RGL1: variants seen among roughly 807,000 people sequenced by gnomAD.
The protein encoded by RGL1 is ral guanine nucleotide dissociation stimulator like 1, also known as ral guanine nucleotide dissociation stimulator-like 1.
A neutral mutation model predicts 95.2 loss-of-function variants in RGL1; 24 were observed. The ratio of observed to expected loss-of-function variants is 0.25; its 90% confidence interval spans 0.18 to 0.35. The LOEUF is 0.35. Ranked by LOEUF, RGL1 falls within the 10% of genes least tolerant of loss-of-function variation. The pLI, the probability that RGL1 is intolerant of heterozygous loss-of-function variation, is 1.00. For missense variants in RGL1, 715 were observed against 936.3 expected (o/e 0.76, Z 3.08); for synonymous variants, 329 against 344.9 (o/e 0.95, Z 0.51).
chr1:183,827,058 G>A (rs78251015), intron 2 of RGL1, among the ~76,000 whole-genome samples: 2,383 of 152,196 alleles, frequency 0.016, 68 homozygotes, highest in African/African-American at 0.055. Flanking sequence ...AAATAGCTGG[G>A]ATTACAGGCA....
At chr1:183,821,540 G>A (rs1306968009) in intron 2 of RGL1, among the ~76,000 whole-genome samples, 1 of 152,198 alleles carries the variant, frequency 6.6e-6, no homozygotes, top group Non-Finnish European at 1.5e-5. Flanking sequence ...GGTCTGCTCT[G>A]TAAGAGGGCA....
intron 2 of RGL1, among the ~76,000 whole-genome samples, chr1:183,829,268 C>T (rs572339537): frequency 6.6e-6 from 1 of 151,912 alleles, no homozygotes; most frequent in Non-Finnish European, 1.5e-5. Context: ...AGTGAGACCT[C>T]GTCTCTATGA....
chr1:183,824,103 G>A (rs184549082), intron 2 of RGL1, among the ~76,000 whole-genome samples: 11 of 151,692 alleles, frequency 7.3e-5, no homozygotes, highest in African/African-American at 2.2e-4. Flanking sequence ...TATTTTTCTC[G>A]GTGATTTTAT....
At chr1:183,783,755 T>C (rs886530680) in intron 2 of RGL1, among the ~76,000 whole-genome samples, 16 of 152,172 alleles carry the variant, frequency 1.1e-4, no homozygotes, top group African/African-American at 3.6e-4. Context: ...ACCCAGCTAA[T>C]GAGCCACAGG....
rs758577256 is a variant in RGL1, at chr1:183,742,190, AG to A, written c.34del (p.Glu12ArgfsTer11). The stretch of plus-strand genomic sequence containing the variant: ...TGAAACCTGTGGGAGAACCTACTCA[AG>A]AGGTGTCTAAATTCAAACTTTCCAC... On this transcript the variant is annotated frameshift_variant, in exon 2 of 19. Coordinates refer to the RGL1 transcript ENST00000304685. LOFTEE classifies it high-confidence loss of function. 1 of 1,614,094 alleles carries A rather than the reference AG, an allele frequency of 6.2e-7. No homozygotes were observed. Among genetic ancestry groups the A allele is most frequent in the Non-Finnish European group, 8.5e-7 (1 of 1,179,962 alleles).
At chr1:183,689,600 G>C (rs1653822484) in intron 1 of RGL1, among the ~76,000 whole-genome samples, 2 of 152,132 alleles carry the variant, frequency 1.3e-5, no homozygotes, top group African/African-American at 2.4e-5. Context: ...CATTTCTGTA[G>C]CTTTTGTATT....
At chr1:183,850,642 G>A (rs1252304689) in intron 3 of RGL1, among the ~76,000 whole-genome samples, 1 of 152,130 alleles carries the variant, frequency 6.6e-6, no homozygotes, top group Non-Finnish European at 1.5e-5. Context: ...TCATAGCAGT[G>A]CTTGACAAAA....
At chr1:183,738,103 G>T (rs1558180845) in intron 1 of RGL1, among the ~76,000 whole-genome samples, 1 of 152,152 alleles carries the variant, frequency 6.6e-6, no homozygotes, top group Non-Finnish European at 1.5e-5. Context: ...AGGTTGTCTT[G>T]TAAGCCTTGA....
chr1:183,823,503 C>T (rs1472256937), intron 2 of RGL1, among the ~76,000 whole-genome samples: 1 of 152,180 alleles, frequency 6.6e-6, no homozygotes, highest in Non-Finnish European at 1.5e-5. Context: ...ATTTATTCAA[C>T]ATGGCTAAAC....
chr1:183,918,167 CA>C (rs1235165330), intron 16 of RGL1, among the ~76,000 whole-genome samples: 5 of 152,124 alleles, frequency 3.3e-5, no homozygotes, highest in African/African-American at 1.2e-4. Context: ...TCAGAGGTAC[CA>C]GTATGACATC....
intron 1 of RGL1, among the ~76,000 whole-genome samples, chr1:183,656,552 C>G (rs1387563451): frequency 1.3e-5 from 2 of 152,156 alleles, no homozygotes; most frequent in Non-Finnish European, 2.9e-5. Flanking sequence ...GTAACAAATC[C>G]AGCTGTTTCT....
chr1:183,645,080 C>T (rs1352936088), intron 1 of RGL1, among the ~76,000 whole-genome samples: 1 of 152,162 alleles, frequency 6.6e-6, no homozygotes, highest in East Asian at 1.9e-4. Context: ...TCTGATAGCA[C>T]TAAACATTTG....
At chr1:183,714,700 G>A (rs1431126154) in intron 1 of RGL1, among the ~76,000 whole-genome samples, 1 of 152,174 alleles carries the variant, frequency 6.6e-6, no homozygotes, top group Admixed American at 6.6e-5. Flanking sequence ...GCATGCCACA[G>A]GGAACAAGTG....
At chr1:183,687,381 A>G (rs140306301) in intron 1 of RGL1, among the ~76,000 whole-genome samples, 10 of 152,326 alleles carry the variant, frequency 6.6e-5, no homozygotes, top group African/African-American at 1.7e-4. Context: ...GTAGTTGGGA[A>G]TTCAGGAAAA....
Position 183,927,088 on chromosome 1 carries a change from C to G in RGL1, c.*796C>G, listed in dbSNP as rs1363872568. On this transcript the variant is annotated 3_prime_UTR_variant, in exon 18 of 18. Transcript: ENST00000360851. Reference sequence around the variant, plus strand: ...CAACCCCGTGTATTTCCGTTTTCCCCCTAAAGAACATATCATAATCATTGC... The same window carrying G: ...CAACCCCGTGTATTTCCGTTTTCCCGCTAAAGAACATATCATAATCATTGC... 6.6e-6 allele frequency: 1 copy of G among 152,582 alleles called. No homozygotes were observed. The highest frequency in any genetic ancestry group is 2.4e-5 in the African/African-American group (1 of 41,408). The allele number at this position is 152,582 out of a possible 1,614,324, so 9.5% of individuals were successfully genotyped here.
chr1:183,873,743 C>T (rs974515042), intron 4 of RGL1, among the ~76,000 whole-genome samples: 1 of 152,164 alleles, frequency 6.6e-6, no homozygotes, highest in Non-Finnish European at 1.5e-5. Context: ...TTTTGCCTGG[C>T]TGTTGCTTTA....
chr1:183,892,080 C>A lies in RGL1; in HGVS notation c.1059C>A (p.Asp353Glu), dbSNP rs1269536942. The change falls in exon 9 of 18, where the codon GAC becomes GAA. Residue 353 changes from aspartate (D) to glutamate (E), a missense_variant. Physicochemically the swap from Asp to Glu is conservative, Grantham distance 45. Around this residue, in one of 3 missense-constraint regions of RGL1, gnomAD observed 381 missense variants for 484.8 expected, o/e 0.79. Coordinates refer to ENST00000360851, the MANE Select transcript of RGL1 (RefSeq NM_001297671.3). ...TTTTCTTAATCCCTTTTCATAGGGA[C>A]CGAATGCTGATGTTTGAAGAACTTT... The part of the protein sequence containing the change: ...LKKTWAAVPR[D>E]RMLMFEELSD... 6.2e-7 allele frequency: 1 copy of A among 1,610,926 alleles called. No individual in the cohort carries two copies. Among genetic ancestry groups the A allele is most frequent in the Non-Finnish European group, 8.5e-7 (1 of 1,177,926 alleles).
intron 2 of RGL1, among the ~76,000 whole-genome samples, chr1:183,753,912 T>C (rs963746210): frequency 6.6e-6 from 1 of 151,994 alleles, no homozygotes; most frequent in African/African-American, 2.4e-5. Context: ...GAACATGGTG[T>C]TTTGTTTCTT....
chr1:183,817,546 C>A (rs1429130327), intron 2 of RGL1, among the ~76,000 whole-genome samples: 3 of 152,100 alleles, frequency 2.0e-5, no homozygotes, highest in Non-Finnish European at 1.5e-5. Context: ...ATATGGGATC[C>A]CCCTGAGCAT....
Sources: gnomAD v4.1 joint callset for allele counts (sites outside exome capture counted in the v4.1 genomes callset) on GRCh38, gnomAD v4.1.1 for gene constraint, gnomAD v4.1.1 regional missense constraint, MANE v1.5 for transcripts, NCBI Gene and HGNC (gene_info 2026-07-23, HGNC 2026-07-21) for gene names.